Variants in MAML3 observed in about 807,000 individuals in gnomAD.
MAML3 encodes mastermind like transcriptional coactivator 3.
MAML3 carries 27 observed loss-of-function variants against 101.9 expected under a neutral mutation model. That is an observed-to-expected ratio of 0.27 (90% confidence interval 0.20 to 0.37). MAML3 has a LOEUF of 0.37. MAML3 is among the 10% of genes least tolerant of loss of function. The pLI, the probability that MAML3 is intolerant of heterozygous loss-of-function variation, is 1.00. For synonymous variants in MAML3, 501 were observed against 555.9 expected (o/e 0.90, Z 1.39); for missense variants, 1,316 against 1,444.9 (o/e 0.91, Z 1.45).
intron 1 of MAML3, among the ~76,000 whole-genome samples, chr4:139,946,484 G>A (rs769665): frequency 0.38 from 57,346 of 151,784 alleles, 11,324 homozygotes; most frequent in African/African-American, 0.48. Context: ...ATGTACAAAC[G>A]CACAAAGGTA....
intron 2 of MAML3, among the ~76,000 whole-genome samples, chr4:139,742,666 C>T (rs1729206688): frequency 6.6e-6 from 1 of 152,170 alleles, no homozygotes; most frequent in South Asian, 2.1e-4. Flanking sequence ...GAAAACATCC[C>T]TGTTTACAAA....
At chr4:139,999,020 T>C (rs536718269) in intron 1 of MAML3, among the ~76,000 whole-genome samples, 34 of 152,260 alleles carry the variant, frequency 2.2e-4, no homozygotes, top group African/African-American at 8.2e-4. Flanking sequence ...TTCAGGCCAT[T>C]TTCAAGTAGA....
Position 140,067,197 on chromosome 4 carries a change from A to AGG in MAML3, c.468+85661_468+85662dup, listed in dbSNP as rs1331476727. On this transcript the variant is annotated intron_variant, in intron 1 of 4. Coordinates refer to ENST00000509479, the MANE Select transcript of MAML3 (RefSeq NM_018717.5). Reference sequence around the variant, plus strand: ...TAGTGGGCCATTCAGAACAAATTTTAGGGGTGTGTGTGTGTGTGTGTGTGT... The same window carrying AGG: ...TAGTGGGCCATTCAGAACAAATTTTAGGGGGGTGTGTGTGTGTGTGTGTGTGT... Among the ~76,000 whole-genome samples, 68 of 113,084 alleles carry AGG rather than the reference A, an allele frequency of 6.0e-4. 1 individual carries two copies. Among genetic ancestry groups the AGG allele is most frequent in the Non-Finnish European group, 7.1e-4 (35 of 49,334 alleles). The allele number at this position is 113,084 out of a possible 152,430, so 74.2% of individuals were successfully genotyped here.
At chr4:139,915,154 T>C (rs1157143955) in intron 1 of MAML3, among the ~76,000 whole-genome samples, 3 of 152,212 alleles carry the variant, frequency 2.0e-5, no homozygotes, top group Non-Finnish European at 2.9e-5. Flanking sequence ...GGATAGTTTA[T>C]TACTGCTCTC....
Position 139,885,932 on chromosome 4 carries a change from C to CAAAA in MAML3, c.2079+3421_2079+3424dup, listed in dbSNP as rs1182443191. ...TGGGCGACAGGGCAAGACTCCGTCT[C>CAAAA]AAAAAAAAAAAAAAAAAAAAAAAAA... On this transcript the variant is annotated intron_variant, in intron 2 of 4. Transcript: ENST00000509479. Among the ~76,000 whole-genome samples the CAAAA allele has an allele frequency of 2.4e-3, 48 of 20,176 alleles. 3 individuals carry two copies. The highest frequency in any genetic ancestry group is 0.022 in the East Asian group (4 of 178). The allele number at this position is 20,176 out of a possible 152,430, so 13.2% of individuals were successfully genotyped here.
intron 1 of MAML3, among the ~76,000 whole-genome samples, chr4:140,068,363 C>G (rs1359897301): frequency 2.6e-5 from 4 of 152,170 alleles, no homozygotes; most frequent in African/African-American, 9.7e-5. Flanking sequence ...ATTATTTTCT[C>G]AAGGGGAAGG....
chr4:139,857,600 T>C (rs1054755276), intron 2 of MAML3, among the ~76,000 whole-genome samples: 10 of 152,188 alleles, frequency 6.6e-5, no homozygotes, highest in African/African-American at 2.4e-4. Flanking sequence ...TATGACCACC[T>C]CCAGTGACAA....
At chr4:139,725,656 A>T in intron 4 of MAML3, 95 bp downstream of exon 4, 1 of 1,209,456 alleles carries the variant, frequency 8.3e-7, no homozygotes, top group Non-Finnish European at 1.2e-6. Flanking sequence ...TTTCCTGGAC[A>T]CAAATACAGC....
chr4:139,793,043 G>A (rs539864880), intron 2 of MAML3, among the ~76,000 whole-genome samples: 1 of 152,278 alleles, frequency 6.6e-6, no homozygotes, highest in South Asian at 2.1e-4. Flanking sequence ...ACCGCGCCCG[G>A]CAGAACTGGT....
chr4:140,124,181 C>A (rs765964675), intron 1 of MAML3, among the ~76,000 whole-genome samples: 2 of 152,212 alleles, frequency 1.3e-5, no homozygotes, highest in Non-Finnish European at 2.9e-5. Context: ...CCCTTCCTCT[C>A]CAGTTTCCTT....
chr4:140,132,728 A>G (rs979172723), intron 1 of MAML3, among the ~76,000 whole-genome samples: 13 of 152,214 alleles, frequency 8.5e-5, no homozygotes, highest in African/African-American at 3.1e-4. Context: ...ACATTTGTTC[A>G]CTGTTCTGTA....
chr4:139,853,286 C>T (rs1447317765), intron 2 of MAML3, among the ~76,000 whole-genome samples: 1 of 152,202 alleles, frequency 6.6e-6, no homozygotes, highest in African/African-American at 2.4e-5. Context: ...ATCCGTTTCC[C>T]TTTTGAAAAT....
At chr4:139,919,978 A>AT (rs1013034797) in intron 1 of MAML3, among the ~76,000 whole-genome samples, 1 of 152,246 alleles carries the variant, frequency 6.6e-6, no homozygotes, top group Admixed American at 6.5e-5. Context: ...TATAGAGGCC[A>AT]TGCTGTAAAA....
At chr4:140,026,777 G>A (rs1414330314) in intron 1 of MAML3, among the ~76,000 whole-genome samples, 2 of 152,066 alleles carry the variant, frequency 1.3e-5, no homozygotes, top group Non-Finnish European at 2.9e-5. Flanking sequence ...ATTAAAATAT[G>A]GGCATTTTTT....
chr4:139,744,036 C>T (rs1232263534), intron 2 of MAML3, among the ~76,000 whole-genome samples: 1 of 152,204 alleles, frequency 6.6e-6, no homozygotes, highest in Non-Finnish European at 1.5e-5. Context: ...ACTCTTAGTA[C>T]CTCTCAGAGG....
intron 1 of MAML3, among the ~76,000 whole-genome samples, chr4:140,030,342 A>T (rs1726888309): frequency 6.6e-6 from 1 of 152,206 alleles, no homozygotes; most frequent in South Asian, 2.1e-4. Flanking sequence ...GACAACACAC[A>T]CTAGCTTTGG....
intron 1 of MAML3, among the ~76,000 whole-genome samples, chr4:139,914,653 A>G (rs938992764): frequency 6.6e-6 from 1 of 152,250 alleles, no homozygotes; most frequent in Non-Finnish European, 1.5e-5. Context: ...ACCCGACCAC[A>G]ACAAACAGCT....
chr4:139,904,060 G>A (rs1195072365), intron 1 of MAML3, among the ~76,000 whole-genome samples: 3 of 152,128 alleles, frequency 2.0e-5, no homozygotes, highest in African/African-American at 4.8e-5. Context: ...TTCCCTAAAG[G>A]CCCCATCCTC....
rs190343993 is a variant in MAML3 at position 140,053,268 on chromosome 4, C to G, written c.468+99592G>C. On this transcript the variant is annotated intron_variant, in intron 1 of 4. Transcript: ENST00000509479. ...CATGTCTTCATGGCAGCAGCATTCT[C>G]TCAACACCAACCTGGAAATGGGGGG... Among the ~76,000 whole-genome samples the G allele has an allele frequency of 5.3e-5, 8 of 152,260 alleles. No homozygotes were observed. In the East Asian group the frequency reaches 1.5e-3, roughly 29 times the overall value.
Sources: allele counts gnomAD v4.1 joint callset (sites outside exome capture counted in the v4.1 genomes callset), GRCh38; gene constraint gnomAD v4.1.1; transcripts MANE v1.5; gene names NCBI Gene and HGNC (gene_info 2026-07-23, HGNC 2026-07-21).